CD38: variants seen among roughly 807,000 people sequenced by gnomAD.
CD38 encodes CD38 molecule.
A neutral mutation model predicts 36.3 loss-of-function variants in CD38; 31 were observed. The observed-to-expected ratio is 0.85, with a 90% CI of 0.64 to 1.15. CD38 has a LOEUF of 1.15. Ranked by LOEUF, CD38 falls within the 50% of genes most tolerant of loss-of-function variation. CD38 has a pLI of 0.00. For missense variants in CD38, 380 were observed against 371.9 expected (o/e 1.02, Z -0.18); for synonymous variants, 131 against 135.2 (o/e 0.97, Z 0.22).
intron 1 of CD38, among the ~76,000 whole-genome samples, chr4:15,793,107 A>G (rs1305506149): frequency 6.6e-6 from 1 of 152,108 alleles, no homozygotes; most frequent in Non-Finnish European, 1.5e-5. Context: ...TTGGCCAATC[A>G]GAATCACTTG....
chr4:15,778,516 C>G lies in CD38; in HGVS notation c.102C>G (p.Ile34Met). 1 of 1,613,808 alleles carries G rather than the reference C, an allele frequency of 6.2e-7. No homozygotes were observed. ...LCLGVSILVLILVVVLAVVVP... is the reference protein window; with the variant it reads ...LCLGVSILVLMLVVVLAVVVP... ...TTGGCGTCAGTATCCTGGTCCTGAT[C>G]CTCGTCGTGGTGCTCGCGGTGGTCG... Residue 34 changes from isoleucine to methionine, a missense_variant, in exon 1 of 8, where the codon ATC becomes ATG. By Grantham distance (10) the Ile-to-Met change is conservative (BLOSUM62 1). Transcript: ENST00000226279. The surrounding 1 kb of genome is among the most constrained non-coding windows in gnomAD (Gnocchi z 4.9).
At chr4:15,796,467 A>C (rs1723106188) in intron 1 of CD38, among the ~76,000 whole-genome samples, 1 of 152,136 alleles carries the variant, frequency 6.6e-6, no homozygotes, top group Non-Finnish European at 1.5e-5. Context: ...TAAAAATTAA[A>C]TTATTAACAT....
intron 4 of CD38, among the ~76,000 whole-genome samples, chr4:15,835,826 T>A (rs1415951658): frequency 6.6e-6 from 1 of 152,218 alleles, no homozygotes; most frequent in East Asian, 1.9e-4. Context: ...ATACATTTTT[T>A]AATTCCTGAA....
Position 15,778,512 on chromosome 4 carries a change from T to C in CD38, c.98T>C (p.Leu33Pro). The change falls in exon 1 of 8, where the codon CTG becomes CCG. Residue 33 changes from leucine (L) to proline (P), a missense_variant. By Grantham distance (98) the Leu-to-Pro change is moderately conservative (BLOSUM62 -3). Transcript: ENST00000226279. This position sits in a 1 kb window ranked among gnomAD's most constrained non-coding sequence, Gnocchi z 4.9. ...TGTCTTGGCGTCAGTATCCTGGTCC[T>C]GATCCTCGTCGTGGTGCTCGCGGTG... ...QLCLGVSILV[L>P]ILVVVLAVVV... is the part of the protein sequence containing the mutation. 6.2e-7 allele frequency: 1 copy of C among 1,613,636 alleles called. No individual in the cohort carries two copies. Among genetic ancestry groups the C allele is most frequent in the Non-Finnish European group, 8.5e-7 (1 of 1,179,954 alleles).
intron 1 of CD38, among the ~76,000 whole-genome samples, chr4:15,781,463 A>G (rs1449401137): frequency 1.3e-5 from 2 of 152,268 alleles, no homozygotes; most frequent in African/African-American, 4.8e-5. Flanking sequence ...AAATTGGCTT[A>G]TATCATTGTG....
intron 4 of CD38, among the ~76,000 whole-genome samples, chr4:15,836,864 C>T (rs1265868742): frequency 6.6e-6 from 1 of 152,204 alleles, no homozygotes; most frequent in Admixed American, 6.5e-5. Context: ...GATTCCTTTA[C>T]TCATTCTGAT....
intron 1 of CD38, among the ~76,000 whole-genome samples, chr4:15,802,491 GTTTTATTTTA>G (rs56373639): frequency 0.13 from 17,536 of 133,984 alleles, 1,526 homozygotes; most frequent in African/African-American, 0.24. Context: ...GCAATTGTTT[GTTTTATTTTA>G]TTTTATTTTA....
Position 15,779,917 on chromosome 4 carries a change from T to C in CD38, c.233+1270T>C, listed in dbSNP as rs554415815. On this transcript the variant is annotated intron_variant, in intron 1 of 7. Transcript: ENST00000226279. The stretch of plus-strand genomic sequence containing the variant: ...ATAAACTAGATGTAACCATTTCCTA[T>C]TGACAGGAAATTAGCTTGTTTCCAA... Among the ~76,000 whole-genome samples, 104 of 152,318 alleles carry C rather than the reference T, an allele frequency of 6.8e-4. No homozygotes were observed. The Middle Eastern group carries it at 0.014, about 20-fold the overall frequency.
At position 15,852,809 on chromosome 4, in the gene CD38, C is replaced by CTTTTTTT. The variant is rs11303312; in HGVS notation, c.*4219_*4225dup. Reference sequence around the variant, plus strand: ...ACTATTCCCTAACGGGGCATTTATTCTTTTTTTTTTTTTTTTTTGGGAGAC... The same window carrying CTTTTTTT: ...ACTATTCCCTAACGGGGCATTTATTCTTTTTTTTTTTTTTTTTTTTTTTTTGGGAGAC... On this transcript the variant is annotated 3_prime_UTR_variant, in exon 8 of 8. Transcript: ENST00000226279. 1.6e-5 allele frequency: 2 copies of CTTTTTTT among 125,732 alleles called. No homozygotes were observed. The highest frequency in any genetic ancestry group is 1.6e-5 in the Non-Finnish European group (1 of 60,856). The allele number at this position is 125,732 out of a possible 1,614,324, so 7.8% of individuals were successfully genotyped here.
intron 1 of CD38, among the ~76,000 whole-genome samples, chr4:15,785,055 T>TAAA (rs11373711): frequency 6.8e-6 from 1 of 147,182 alleles, no homozygotes; most frequent in African/African-American, 2.5e-5. Context: ...GACTCTGTCT[T>TAAA]AAAAAAAAAA....
chr4:15,838,176 A>G lies in CD38; in HGVS notation c.659+11A>G. 1.3e-6 allele frequency: 2 copies of G among 1,591,376 alleles called. No homozygotes were observed. Among genetic ancestry groups the G allele is most frequent in the Non-Finnish European group, 1.7e-6 (2 of 1,159,570 alleles). On this transcript the variant is annotated intron_variant, in intron 5 of 7. Coordinates refer to ENST00000226279, the MANE Select transcript of CD38 (RefSeq NM_001775.4). ...CTTTGACAAAAACAGGTACACATTT[A>G]TTTTGCATCCTGTTTGCAAGTATCC...
chr4:15,848,520 T>C lies in CD38; in HGVS notation c.840-19T>C. On this transcript the variant is annotated intron_variant, in intron 7 of 7. Coordinates refer to ENST00000226279, the MANE Select transcript of CD38 (RefSeq NM_001775.4). ...TATCCTACGGTCTCTTGATTTCCTTTTTTGCTTTCTTGTCATAGACCTGAC... is the reference window on the plus strand; with the variant it reads ...TATCCTACGGTCTCTTGATTTCCTTCTTTGCTTTCTTGTCATAGACCTGAC... The C allele has an allele frequency of 6.2e-7, 1 of 1,604,888 alleles. No individual in the cohort carries two copies. The highest frequency in any genetic ancestry group is 8.5e-7 in the Non-Finnish European group (1 of 1,171,792).
intron 1 of CD38, among the ~76,000 whole-genome samples, chr4:15,791,626 G>A (rs1722993858): frequency 1.1e-5 from 1 of 92,634 alleles, no homozygotes; most frequent in Non-Finnish European, 2.1e-5. Context: ...GGAGGGAGGT[G>A]GGGGGGTCAG....
At chr4:15,810,636 A>G (rs1723447925) in intron 1 of CD38, among the ~76,000 whole-genome samples, 1 of 152,216 alleles carries the variant, frequency 6.6e-6, no homozygotes, top group Non-Finnish European at 1.5e-5. Context: ...CCTTAAATAT[A>G]TAATGTACGG....
chr4:15,852,623 A>G lies in CD38; in HGVS notation c.*4021A>G, dbSNP rs1347528419. 1 of 152,166 alleles carries G rather than the reference A, an allele frequency of 6.6e-6. No homozygotes were observed. Among genetic ancestry groups the G allele is most frequent in the Admixed American group, 6.5e-5 (1 of 15,276 alleles). 9.4% of individuals were successfully genotyped at this position (152,166 alleles called of 1,614,324 possible). On this transcript the variant is annotated 3_prime_UTR_variant, in exon 8 of 8. Transcript: ENST00000226279. Reference sequence around the variant, plus strand: ...ATATTTTCCCGCAGTTTTTCTTTGAATAACAGAGCAATTAATTTACTTTTA... The same window carrying G: ...ATATTTTCCCGCAGTTTTTCTTTGAGTAACAGAGCAATTAATTTACTTTTA...
intron 1 of CD38, among the ~76,000 whole-genome samples, chr4:15,789,284 T>C (rs1722905344): frequency 6.6e-6 from 1 of 152,220 alleles, no homozygotes; most frequent in Non-Finnish European, 1.5e-5. Context: ...ACTTATATTC[T>C]AGTAGGGGAG....
rs1724375709 is a variant in CD38 at position 15,851,132 on chromosome 4, G to A, written c.*2530G>A. 6.6e-6 allele frequency: 1 copy of A among 152,354 alleles called. No individual in the cohort carries two copies. Among genetic ancestry groups the A allele is most frequent in the South Asian group, 2.1e-4 (1 of 4,822 alleles). 9.4% of individuals were successfully genotyped at this position (152,354 alleles called of 1,614,324 possible). A position where few individuals can be genotyped will look rare whatever the true frequency, so the allele number is the denominator to read the frequency against. On this transcript the variant is annotated 3_prime_UTR_variant, in exon 8 of 8. Coordinates refer to ENST00000226279, the MANE Select transcript of CD38 (RefSeq NM_001775.4). ...TTAGAGGGTCCCAGGGAGCCACAGA[G>A]GTGGTGAGGGGCTGGGTGCTCTTTT...
intron 1 of CD38, among the ~76,000 whole-genome samples, chr4:15,799,575 G>A (rs1723173170): frequency 6.6e-6 from 1 of 152,052 alleles, no homozygotes; most frequent in Non-Finnish European, 1.5e-5. Context: ...TTAATAGCTT[G>A]TTCCTTTTTA....
intron 1 of CD38, among the ~76,000 whole-genome samples, chr4:15,809,120 T>C (rs1723408958): frequency 6.6e-6 from 1 of 152,236 alleles, no homozygotes; most frequent in African/African-American, 2.4e-5. Flanking sequence ...CTTAGCCAGA[T>C]GGCTGCGTGA....
Sources: allele counts gnomAD v4.1 joint callset (sites outside exome capture counted in the v4.1 genomes callset), GRCh38; gene constraint gnomAD v4.1.1; non-coding constraint Gnocchi (gnomAD v3.1); transcripts MANE v1.5; gene names NCBI Gene and HGNC (gene_info 2026-07-23, HGNC 2026-07-21).